Variants in SEMA6B observed in about 807,000 individuals in gnomAD.
SEMA6B encodes semaphorin 6B, also known as semaphorin-6B.
Under a neutral mutation model 78.6 loss-of-function variants are expected in SEMA6B, and 47 were observed. That is an observed-to-expected ratio of 0.60 (90% CI 0.47 to 0.76). The LOEUF (loss-of-function observed/expected upper bound fraction) is 0.76. Among genes scored for constraint, SEMA6B ranks in the 30% least tolerant of loss-of-function variants. The pLI is 0.00. For synonymous variants in SEMA6B, 632 were observed against 592.2 expected (o/e 1.07, Z -0.98); for missense variants, 1,213 against 1,269.9 (o/e 0.96, Z 0.68).
chr19:4,547,168 G>C (rs1038812894), intron 14 of SEMA6B, among the ~76,000 whole-genome samples: 67 of 150,902 alleles, frequency 4.4e-4, no homozygotes, highest in Admixed American at 1.7e-3. Flanking sequence ...CTCTCACTAT[G>C]CTGTGTTGCC....
chr19:4,544,579 G>T lies in SEMA6B; in HGVS notation c.1739-50C>A. On this transcript the variant is annotated intron_variant, in intron 16 of 16. Coordinates refer to ENST00000586582, the MANE Select transcript of SEMA6B (RefSeq NM_032108.4). This position sits in a 1 kb window ranked among gnomAD's most constrained non-coding sequence, Gnocchi z 5.1. The stretch of plus-strand genomic sequence containing the variant: ...AGTGGGGCCGGCGGGGTGGCCCTGG[G>T]CATCCCTCCTACCTCCTCGGGGCCC... 8.1e-7 allele frequency: 1 copy of T among 1,238,398 alleles called. No individual in the cohort carries two copies. Among genetic ancestry groups the T allele is most frequent in the Non-Finnish European group, 1.1e-6 (1 of 936,402 alleles). The allele number at this position is 1,238,398 out of a possible 1,614,324, so 76.7% of individuals were successfully genotyped here.
rs900835980 is a variant in SEMA6B, at chr19:4,555,926, G to A, written c.471+62C>T. 50 of 1,312,764 alleles carry A rather than the reference G, an allele frequency of 3.8e-5. 1 individual carries two copies. In the Admixed American group the frequency reaches 7.2e-4, roughly 19 times the overall value. The allele number at this position is 1,312,764 out of a possible 1,614,324, so 81.3% of individuals were successfully genotyped here. A position where few individuals can be genotyped will look rare whatever the true frequency, so the allele number is the denominator to read the frequency against. On this transcript the variant is annotated intron_variant, in intron 6 of 16. Coordinates refer to ENST00000586582, the MANE Select transcript of SEMA6B (RefSeq NM_032108.4). The surrounding 1 kb of genome is among the most constrained non-coding windows in gnomAD (Gnocchi z 6.1). The stretch of plus-strand genomic sequence containing the variant: ...GGCCTGGGGAAAAGCCATGGCCAGC[G>A]GAGGTCGGGCGAGCAGAGGCCTGGA...
rs1394569129 is a variant in SEMA6B, at chr19:4,546,568, C to T, written c.1602-99G>A. The T allele has an allele frequency of 2.1e-5, 11 of 513,064 alleles. No individual in the cohort carries two copies. In the East Asian group the frequency reaches 4.1e-4, roughly 19 times the overall value. 31.8% of individuals were successfully genotyped at this position (513,064 alleles called of 1,614,324 possible). ...TGGGCCCTGTTCCAAGCACCTGCCT[C>T]TTTATTTTTATTTTAATTAATTAAT... On this transcript the variant is annotated intron_variant, in intron 14 of 16. Transcript: ENST00000586582.
At chr19:4,554,762 T>C (rs1610093) in intron 8 of SEMA6B, among the ~76,000 whole-genome samples, 31,916 of 152,148 alleles carry the variant, frequency 0.21, 5,086 homozygotes, top group African/African-American at 0.43. Context: ...CATTTTGGGC[T>C]TCTAAGCCAC....
At chr19:4,554,331 C>A in intron 9 of SEMA6B, 57 bp downstream of exon 9, 1 of 1,371,788 alleles carries the variant, frequency 7.3e-7, no homozygotes, top group Non-Finnish European at 1.0e-6. Context: ...CACCTCTGCC[C>A]CCTCACTTCG....
chr19:4,550,850 G>C lies in SEMA6B; in HGVS notation c.1070C>G (p.Ser357Cys), dbSNP rs766034565. The C allele has an allele frequency of 6.2e-7, 1 of 1,613,570 alleles. No individual in the cohort carries two copies. Among genetic ancestry groups the C allele is most frequent in the Admixed American group, 1.7e-5 (1 of 60,020 alleles). Residue 357 changes from serine to cysteine, a missense_variant, in exon 11 of 17, where the codon TCC becomes TGC. Physicochemically the swap from Ser to Cys is moderately radical, Grantham distance 112. Coordinates refer to ENST00000586582, the MANE Select transcript of SEMA6B (RefSeq NM_032108.4). The surrounding 1 kb of genome is among the most constrained non-coding windows in gnomAD (Gnocchi z 6.6). ...CACCGGCGTCCAGATGGACTCGGGG[G>C]ACTTCTGCTCTCGGAAGCGGCCTTC... The part of the protein sequence containing the change: ...VFEGRFREQK[S>C]PESIWTPVPE...
In SEMA6B at chr19:4,544,158, A is replaced by C. The variant is rs561262492; in HGVS notation, c.2110T>G (p.Ser704Ala). Reference sequence around the variant, plus strand: ...TGCTCGGGCGTGGGCAGCAGCCCCGAGTCCAGGTCGTGGGGCCCGCCCTGC... The same window carrying C: ...TGCTCGGGCGTGGGCAGCAGCCCCGCGTCCAGGTCGTGGGGCCCGCCCTGC... The part of the protein sequence containing the change: ...LLQGGPHDLD[S>A]GLLPTPEQTP... Residue 704 changes from serine to alanine, a missense_variant, in exon 17 of 17, where the codon TCG becomes GCG. Coordinates refer to ENST00000586582, the MANE Select transcript of SEMA6B (RefSeq NM_032108.4). The surrounding 1 kb of genome is among the most constrained non-coding windows in gnomAD (Gnocchi z 5.1). 175 of 1,271,524 alleles carry C rather than the reference A, an allele frequency of 1.4e-4. No homozygotes were observed. In the South Asian group the frequency reaches 4.1e-3, roughly 30 times the overall value. 78.8% of individuals were successfully genotyped at this position (1,271,524 alleles called of 1,614,324 possible).
In SEMA6B at chr19:4,555,193, C is replaced by T. The variant is rs1376199818; in HGVS notation, c.563-98G>A. ...CGATTTTCTGAGACTGAGTCCTGAG[C>T]CTAGGGGAGCCCCTGTCTCCAGGCT... On this transcript the variant is annotated intron_variant, in intron 7 of 16. Transcript: ENST00000586582. This position sits in a 1 kb window ranked among gnomAD's most constrained non-coding sequence, Gnocchi z 6.1. The T allele has an allele frequency of 3.1e-6, 4 of 1,299,468 alleles. No homozygotes were observed. In the Admixed American group the frequency reaches 5.8e-5, roughly 19 times the overall value. The allele number at this position is 1,299,468 out of a possible 1,614,324, so 80.5% of individuals were successfully genotyped here.
In SEMA6B at chr19:4,550,020, G is replaced by A. The variant is rs1044461978; in HGVS notation, c.1271+103C>T. The A allele has an allele frequency of 2.6e-5, 30 of 1,132,388 alleles. No individual in the cohort carries two copies. The highest frequency in any genetic ancestry group is 3.3e-5 in the Non-Finnish European group (26 of 789,028). 70.1% of individuals were successfully genotyped at this position (1,132,388 alleles called of 1,614,324 possible). ...CTGTGTCTCCAGCTCTCTGGGCAGC[G>A]CCGGAAGCCATGGGCTCATCTGTGT... is the stretch of plus-strand genomic sequence containing the variant. On this transcript the variant is annotated intron_variant, in intron 12 of 16. Transcript: ENST00000586582. This position sits in a 1 kb window ranked among gnomAD's most constrained non-coding sequence, Gnocchi z 6.6.
Position 4,552,127 on chromosome 19 carries a change from C to T in SEMA6B, c.989+295G>A, listed in dbSNP as rs150304776. On this transcript the variant is annotated intron_variant, in intron 10 of 16. Coordinates refer to ENST00000586582, the MANE Select transcript of SEMA6B (RefSeq NM_032108.4). The surrounding 1 kb of genome is among the most constrained non-coding windows in gnomAD (Gnocchi z 7.4). ...TTTCTCCAACTTTGAACACCCTTCCCTCTTCCTCCATCTCACACCCAAAGT... is the reference window on the plus strand; with the variant it reads ...TTTCTCCAACTTTGAACACCCTTCCTTCTTCCTCCATCTCACACCCAAAGT... 1.3e-5 allele frequency among the ~76,000 whole-genome samples: 2 copies of T among 152,282 alleles called. No homozygotes were observed. The highest frequency in any genetic ancestry group is 2.9e-5 in the Non-Finnish European group (2 of 68,014).
chr19:4,556,607 C>T (rs1470158308), intron 5 of SEMA6B, among the ~76,000 whole-genome samples: 1 of 150,912 alleles, frequency 6.6e-6, no homozygotes, highest in Non-Finnish European at 1.5e-5. Flanking sequence ...TATTGGGTGG[C>T]GTGTGAACAT....
Position 4,558,749 on chromosome 19 carries a change from A to T in SEMA6B, c.-32-260T>A, listed in dbSNP as rs1174192381. ...CATTCGGTAATTTAAAACTAATAAT[A>T]ATTATTATAATAATAGATACAAATA... On this transcript the variant is annotated intron_variant, in intron 1 of 16. Transcript: ENST00000586582. This position sits in a 1 kb window ranked among gnomAD's most constrained non-coding sequence, Gnocchi z 5.1. Among the ~76,000 whole-genome samples the T allele has an allele frequency of 6.6e-6, 1 of 152,120 alleles. No individual in the cohort carries two copies. Among genetic ancestry groups the T allele is most frequent in the Non-Finnish European group, 1.5e-5 (1 of 68,020 alleles).
intron 14 of SEMA6B, 103 bp downstream of exon 14, chr19:4,547,924 A>G (rs1977211502): frequency 6.5e-6 from 9 of 1,377,962 alleles, no homozygotes; most frequent in Non-Finnish European, 8.6e-6. Flanking sequence ...GCCCAGCTCA[A>G]TGACCAGGAC....
At position 4,555,930 on chromosome 19, in the gene SEMA6B, G is replaced by A. The variant is rs1977455604; in HGVS notation, c.471+58C>T. 7.3e-7 allele frequency: 1 copy of A among 1,374,080 alleles called. No homozygotes were observed. The highest frequency in any genetic ancestry group is 1.2e-5 in the South Asian group (1 of 86,234). The allele number at this position is 1,374,080 out of a possible 1,614,324, so 85.1% of individuals were successfully genotyped here. ...TGGGGAAAAGCCATGGCCAGCGGAG[G>A]TCGGGCGAGCAGAGGCCTGGAGGTT... On this transcript the variant is annotated intron_variant, in intron 6 of 16. Coordinates refer to ENST00000586582, the MANE Select transcript of SEMA6B (RefSeq NM_032108.4). This position sits in a 1 kb window ranked among gnomAD's most constrained non-coding sequence, Gnocchi z 6.1.
Position 4,557,354 on chromosome 19 carries a change from C to G in SEMA6B, c.246-131G>C, listed in dbSNP as rs1977501173. The stretch of plus-strand genomic sequence containing the variant: ...GCCAATGCCTCTGACACGAGCAACT[C>G]TAGCGCCGACCACACCCCCCCAAGG... On this transcript the variant is annotated intron_variant, in intron 3 of 16. Transcript: ENST00000586582. The G allele has an allele frequency of 4.6e-6, 3 of 654,532 alleles. 1 individual carries two copies. In the Admixed American group the frequency reaches 9.0e-5, roughly 20 times the overall value. 40.5% of individuals were successfully genotyped at this position (654,532 alleles called of 1,614,324 possible).
At chr19:4,548,234 G>A in intron 13 of SEMA6B, 29 bp downstream of exon 13, 2 of 1,592,780 alleles carry the variant, frequency 1.3e-6, no homozygotes, top group African/African-American at 1.3e-5. Flanking sequence ...TCCTGCTGGC[G>A]ACCCCTTCCC....
intron 13 of SEMA6B, 42 bp downstream of exon 13, chr19:4,548,221 C>T (rs1371597716): frequency 1.9e-6 from 3 of 1,590,880 alleles, no homozygotes; most frequent in Admixed American, 3.4e-5. Context: ...AGCCCATCTC[C>T]CCTCCTGCTG....
At chr19:4,557,372 C>A in intron 3 of SEMA6B, 149 bp from the exon 4 acceptor site, 1 of 617,854 alleles carries the variant, frequency 1.6e-6, no homozygotes, top group South Asian at 2.0e-5. Context: ...GACCACACCC[C>A]CCCAAGGGCC....
In SEMA6B at chr19:4,555,869, T is replaced by C; in HGVS notation, c.471+119A>G. Reference sequence around the variant, plus strand: ...TCAGGGGGAGGAGGCAGGGAGAGTATATCCAGGAAGGCTTCCTGGAGGAGG... The same window carrying C: ...TCAGGGGGAGGAGGCAGGGAGAGTACATCCAGGAAGGCTTCCTGGAGGAGG... On this transcript the variant is annotated intron_variant, in intron 6 of 16. Coordinates refer to ENST00000586582, the MANE Select transcript of SEMA6B (RefSeq NM_032108.4). The surrounding 1 kb of genome is among the most constrained non-coding windows in gnomAD (Gnocchi z 6.1). 1.2e-6 allele frequency: 1 copy of C among 821,288 alleles called. No homozygotes were observed. Among genetic ancestry groups the C allele is most frequent in the Non-Finnish European group, 2.1e-6 (1 of 478,004 alleles). The allele number at this position is 821,288 out of a possible 1,614,324, so 50.9% of individuals were successfully genotyped here. A position where few individuals can be genotyped will look rare whatever the true frequency, so the allele number is the denominator to read the frequency against.
Sources: gnomAD v4.1 joint callset for allele counts (sites outside exome capture counted in the v4.1 genomes callset) on GRCh38, gnomAD v4.1.1 for gene constraint, Gnocchi (gnomAD v3.1) non-coding constraint, MANE v1.5 for transcripts, NCBI Gene and HGNC (gene_info 2026-07-23, HGNC 2026-07-21) for gene names.